The following COPG1 variants were observed in gnomAD, a reference collection of about 807,000 sequenced individuals.
COPG1 encodes the protein coat protein complex I subunit gamma 1, also known as coatomer subunit gamma-1.
A neutral mutation model predicts 102.8 loss-of-function variants in COPG1; 29 were observed. The observed-to-expected ratio is 0.28, with a 90% CI of 0.21 to 0.38. The LOEUF (loss-of-function observed/expected upper bound fraction) is 0.38. Ranked by LOEUF, COPG1 falls within the 10% of genes least tolerant of loss-of-function variation. COPG1 has a pLI of 1.00. For synonymous variants in COPG1, 406 were observed against 421.6 expected, an observed-to-expected ratio of 0.96 and a Z score of 0.45; for missense variants, 875 against 1,132.7, an observed-to-expected ratio of 0.77 and a Z score of 3.27.
Position 129,252,319 on chromosome 3 carries a change from A to G in COPG1, c.129A>G (p.Lys43=), listed in dbSNP as rs1300059580. 4.3e-6 allele frequency: 7 copies of G among 1,613,358 alleles called. No individual in the cohort carries two copies. Among genetic ancestry groups the G allele is most frequent in the East Asian group, 2.2e-5 (1 of 44,890 alleles). The change falls in exon 3 of 24, where the codon AAA becomes AAG. Residue 43 remains lysine, a synonymous_variant. Coordinates refer to ENST00000314797, the MANE Select transcript of COPG1 (RefSeq NM_016128.4). Reference sequence around the variant, plus strand: ...ATGAAACTCCCATCAACCCTCGGAAATGTGCCCACATCCTCACCAAGATTC... The same window carrying G: ...ATGAAACTCCCATCAACCCTCGGAAGTGTGCCCACATCCTCACCAAGATTC... ...VFNETPINPR[K]CAHILTKILY...
rs1940180875 is a variant in COPG1 at position 129,271,501 on chromosome 3, C to T, written c.1844-266C>T. Among the ~76,000 whole-genome samples the T allele has an allele frequency of 6.6e-6, 1 of 152,082 alleles. No individual in the cohort carries two copies. Among genetic ancestry groups the T allele is most frequent in the Non-Finnish European group, 1.5e-5 (1 of 68,030 alleles). The stretch of plus-strand genomic sequence containing the variant: ...AATTAGGTCTAGGATTTTGTGGTCT[C>T]ATATCAGTTTTTTGCTTCTGAGGTC... On this transcript the variant is annotated intron_variant, in intron 18 of 23. Coordinates refer to ENST00000314797, the MANE Select transcript of COPG1 (RefSeq NM_016128.4). This position sits in a 1 kb window ranked among gnomAD's most constrained non-coding sequence, Gnocchi z 4.7.
Position 129,275,362 on chromosome 3 carries a change from A to C in COPG1, c.2494+70A>C. On this transcript the variant is annotated intron_variant, in intron 23 of 23. Coordinates refer to ENST00000314797, the MANE Select transcript of COPG1 (RefSeq NM_016128.4). This position sits in a 1 kb window ranked among gnomAD's most constrained non-coding sequence, Gnocchi z 5.0. The stretch of plus-strand genomic sequence containing the variant: ...CTGGATGCCACTGGATCCTGGGCTA[A>C]GGACTCCACTGTAAATATGGGGAGT... 1 of 1,162,322 alleles carries C rather than the reference A, an allele frequency of 8.6e-7. No individual in the cohort carries two copies. Among genetic ancestry groups the C allele is most frequent in the Non-Finnish European group, 1.3e-6 (1 of 781,226 alleles). 72.0% of individuals were successfully genotyped at this position (1,162,322 alleles called of 1,614,324 possible).
intron 17 of COPG1, 132 bp downstream of exon 17, chr3:129,268,752 C>G: frequency 8.2e-7 from 1 of 1,224,872 alleles, no homozygotes; most frequent in Admixed American, 2.0e-5. Flanking sequence ...TCTTTTCCAC[C>G]TCTGGCTCCA....
chr3:129,263,247 TG>T (rs1242015567), intron 12 of COPG1, among the ~76,000 whole-genome samples: 1 of 151,902 alleles, frequency 6.6e-6, no homozygotes, highest in Non-Finnish European at 1.5e-5. Context: ...GAGCTGACAG[TG>T]GTGCTCTTGA....
chr3:129,254,607 G>C (rs1939767564), intron 5 of COPG1, 61 bp from the exon 6 acceptor site: 11 of 1,285,730 alleles, frequency 8.6e-6, no homozygotes, highest in African/African-American at 1.5e-5. Context: ...GGTGTTGGGA[G>C]CTGGAGAGGA....
chr3:129,267,833 T>C, intron 15 of COPG1, 104 bp from the exon 16 acceptor site: 2 of 823,150 alleles, frequency 2.4e-6, no homozygotes, highest in Non-Finnish European at 4.1e-6. Context: ...CCACCACTAG[T>C]CTACTTGTTA....
intron 21 of COPG1, among the ~76,000 whole-genome samples, chr3:129,274,499 C>T (rs1576971165): frequency 6.6e-6 from 1 of 152,198 alleles, no homozygotes; most frequent in Non-Finnish European, 1.5e-5. Context: ...AAGCAGACCT[C>T]TGAGAATGCT....
intron 16 of COPG1, 99 bp downstream of exon 16, chr3:129,268,139 C>A: frequency 9.9e-7 from 1 of 1,009,088 alleles, no homozygotes; most frequent in Non-Finnish European, 1.5e-6. Context: ...ATGCTCTTGG[C>A]TGGACTTGCC....
Position 129,250,736 on chromosome 3 carries a change from C to T in COPG1, c.90+2C>T, listed in dbSNP as rs199598040. ...GAGAAGAGTGCGGTACTCCAGGAGGCAAGTGACATTTGCTCCCCTCTAGCT... is the reference window on the plus strand; with the variant it reads ...GAGAAGAGTGCGGTACTCCAGGAGGTAAGTGACATTTGCTCCCCTCTAGCT... On this transcript the variant is annotated splice_donor_variant, in intron 2 of 23. Coordinates refer to ENST00000314797, the MANE Select transcript of COPG1 (RefSeq NM_016128.4). LOFTEE classifies it low-confidence loss of function (GC_TO_GT_DONOR). 5 of 1,613,324 alleles carry T rather than the reference C, an allele frequency of 3.1e-6. No individual in the cohort carries two copies. Among genetic ancestry groups the T allele is most frequent in the Non-Finnish European group, 3.4e-6 (4 of 1,179,372 alleles).
In COPG1 at chr3:129,271,423, C is replaced by T. The variant is rs908096494; in HGVS notation, c.1844-344C>T. 2.0e-5 allele frequency among the ~76,000 whole-genome samples: 3 copies of T among 152,146 alleles called. No individual in the cohort carries two copies. Among genetic ancestry groups the T allele is most frequent in the Non-Finnish European group, 2.9e-5 (2 of 68,034 alleles). On this transcript the variant is annotated intron_variant, in intron 18 of 23. Transcript: ENST00000314797. The surrounding 1 kb of genome is among the most constrained non-coding windows in gnomAD (Gnocchi z 4.7). ...TGTCACCTTCTTTTAAGAATCCTTG[C>T]TGCGGTAGGGGGCGGAAATCCTTGC...
At chr3:129,272,200 C>G in intron 19 of COPG1, 44 bp from the exon 20 acceptor site, 1 of 1,565,174 alleles carries the variant, frequency 6.4e-7, no homozygotes, top group Non-Finnish European at 8.8e-7. Context: ...CAGCATGGCT[C>G]GGACCTAGTG....
In COPG1 at chr3:129,275,984, A is replaced by G. The variant is rs750548765; in HGVS notation, c.2494+692A>G. Among the ~76,000 whole-genome samples the G allele has an allele frequency of 0.011, 1,616 of 152,194 alleles. 13 individuals carry two copies. The highest frequency in any genetic ancestry group is 0.017 in the Non-Finnish European group (1,138 of 67,990). On this transcript the variant is annotated intron_variant, in intron 23 of 23. Transcript: ENST00000314797. This position sits in a 1 kb window ranked among gnomAD's most constrained non-coding sequence, Gnocchi z 5.0. ...TAAATAATCGTGTACACACACACAC[A>G]CACACACACACACAGTTTACTTTGC...
At chr3:129,258,412 AC>A (rs760908715) in intron 10 of COPG1, among the ~76,000 whole-genome samples, 2 of 152,236 alleles carry the variant, frequency 1.3e-5, no homozygotes, top group Non-Finnish European at 2.9e-5. Context: ...TGTGATCTAG[AC>A]AAATTGCTTA....
chr3:129,267,411 G>A (rs1940085605), intron 15 of COPG1, among the ~76,000 whole-genome samples: 1 of 152,164 alleles, frequency 6.6e-6, no homozygotes. Context: ...CACAAGGTCA[G>A]GAGATTGAGA....
At chr3:129,263,863 G>C (rs1939997194) in intron 12 of COPG1, 41 bp from the exon 13 acceptor site, 1 of 1,566,552 alleles carries the variant, frequency 6.4e-7, no homozygotes, top group South Asian at 1.1e-5. Flanking sequence ...ACCCCATCTT[G>C]GTGGCAGGGC....
At chr3:129,268,666 T>C (rs752477042) in intron 17 of COPG1, 46 bp downstream of exon 17, 34 of 1,602,540 alleles carry the variant, frequency 2.1e-5, no homozygotes, top group Middle Eastern at 1.7e-4. Flanking sequence ...CAGGCCTCTG[T>C]TGGAGGGTCT....
chr3:129,274,186 G>GAAAA, intron 21 of COPG1: 1 of 332,514 alleles, frequency 3.0e-6, no homozygotes, highest in Non-Finnish European at 5.9e-6. Flanking sequence ...CAGAGATGAA[G>GAAAA]AAAAAAAAAA....
chr3:129,267,396 C>T (rs1015634796), intron 15 of COPG1, among the ~76,000 whole-genome samples: 7 of 152,222 alleles, frequency 4.6e-5, no homozygotes, highest in South Asian at 4.1e-4. Flanking sequence ...CCAAGGCGGG[C>T]GGATCACAAG....
intron 10 of COPG1, among the ~76,000 whole-genome samples, chr3:129,259,751 G>T (rs187699645): frequency 5.3e-5 from 8 of 152,276 alleles, no homozygotes; most frequent in African/African-American, 1.9e-4. Context: ...GCAAGGGAGG[G>T]ATATGGTACC....
Sources: allele counts gnomAD v4.1 joint callset (sites outside exome capture counted in the v4.1 genomes callset), GRCh38; gene constraint gnomAD v4.1.1; non-coding constraint Gnocchi (gnomAD v3.1); transcripts MANE v1.5; gene names NCBI Gene and HGNC (gene_info 2026-07-23, HGNC 2026-07-21).